Variants in SH3RF2 observed in about 807,000 individuals in gnomAD.
SH3RF2 encodes the protein SH3 domain containing ring finger 2.
Under a neutral mutation model 59.0 loss-of-function variants are expected in SH3RF2, and 43 were observed. That is an observed-to-expected ratio of 0.73 (90% CI 0.57 to 0.94). The LOEUF is 0.94. SH3RF2 is among the 40% of genes least tolerant of loss of function. The probability of loss-of-function intolerance (pLI) is 0.00; values close to 1 mark genes in which losing one functional copy is unlikely to be tolerated. For synonymous variants in SH3RF2, 391 were observed against 391.5 expected (o/e 1.00, Z 0.01); for missense variants, 930 against 940.1 (o/e 0.99, Z 0.14).
intron 9 of SH3RF2, among the ~76,000 whole-genome samples, chr5:146,073,381 T>A (rs1763275349): frequency 6.6e-6 from 1 of 152,228 alleles, no homozygotes; most frequent in Non-Finnish European, 1.5e-5. Flanking sequence ...TGACACAGTT[T>A]ATGAAATGTC....
intron 4 of SH3RF2, among the ~76,000 whole-genome samples, chr5:146,006,553 T>G: frequency 1.3e-5 from 2 of 151,188 alleles, no homozygotes; most frequent in African/African-American, 2.4e-5. Context: ...ATAATGGAGG[T>G]AGAATGTGCA....
intron 5 of SH3RF2, among the ~76,000 whole-genome samples, chr5:146,047,012 TTCC>T (rs1246519705): frequency 2.0e-5 from 3 of 152,190 alleles, no homozygotes; most frequent in African/African-American, 7.2e-5. Flanking sequence ...CCAGCTCAGC[TTCC>T]CAAAGTGCTA....
At chr5:146,051,874 A>C (rs1393930259) in intron 7 of SH3RF2, among the ~76,000 whole-genome samples, 1 of 152,220 alleles carries the variant, frequency 6.6e-6, no homozygotes, top group Non-Finnish European at 1.5e-5. Flanking sequence ...AACGAGCCAG[A>C]AGCTGAAATC....
At chr5:146,055,078 T>G (rs1762622122) in intron 7 of SH3RF2, among the ~76,000 whole-genome samples, 1 of 152,266 alleles carries the variant, frequency 6.6e-6, no homozygotes, top group Non-Finnish European at 1.5e-5. Flanking sequence ...CATAAAACTT[T>G]AATGAAATTC....
intron 2 of SH3RF2, among the ~76,000 whole-genome samples, chr5:145,954,275 C>G (rs983808795): frequency 6.6e-6 from 1 of 152,144 alleles, no homozygotes; most frequent in African/African-American, 2.4e-5. Flanking sequence ...TGGTATCTCA[C>G]TGTGGTTTTG....
intron 8 of SH3RF2, 125 bp from the exon 9 acceptor site, chr5:146,059,741 G>C: frequency 1.6e-6 from 1 of 624,098 alleles, no homozygotes; most frequent in Non-Finnish European, 2.6e-6. Flanking sequence ...GAGAGAATGT[G>C]AGTGCAGTCA....
At chr5:146,008,013 T>C (rs1276653342) in intron 4 of SH3RF2, among the ~76,000 whole-genome samples, 3 of 152,214 alleles carry the variant, frequency 2.0e-5, no homozygotes, top group African/African-American at 7.2e-5. Context: ...TGTGTGTATG[T>C]GTGCATGTTT....
At chr5:146,038,713 C>T (rs566924450) in intron 5 of SH3RF2, among the ~76,000 whole-genome samples, 179 of 152,274 alleles carry the variant, frequency 1.2e-3, no homozygotes, top group African/African-American at 4.2e-3. Flanking sequence ...GATGGGACAA[C>T]TTAATATTTA....
At chr5:146,068,835 CT>C (rs1484402331) in intron 9 of SH3RF2, among the ~76,000 whole-genome samples, 1 of 152,140 alleles carries the variant, frequency 6.6e-6, no homozygotes, top group African/African-American at 2.4e-5. Flanking sequence ...TTATTAAATG[CT>C]TCACACATAT....
intron 5 of SH3RF2, among the ~76,000 whole-genome samples, chr5:146,024,057 C>G (rs1761435654): frequency 6.6e-6 from 1 of 152,152 alleles, no homozygotes; most frequent in Non-Finnish European, 1.5e-5. Flanking sequence ...TTGAATAATG[C>G]TGCTATGGAA....
chr5:146,011,056 A>G (rs546640251), intron 4 of SH3RF2, among the ~76,000 whole-genome samples: 3 of 152,258 alleles, frequency 2.0e-5, no homozygotes, highest in Non-Finnish European at 1.5e-5. Context: ...TGATTTTTGT[A>G]TAAGGTGTAA....
intron 6 of SH3RF2, among the ~76,000 whole-genome samples, chr5:146,048,138 C>A (rs1430294895): frequency 6.6e-6 from 1 of 151,894 alleles, no homozygotes; most frequent in African/African-American, 2.4e-5. Context: ...CATAGTGAGA[C>A]CTCATCTCTA....
At chr5:146,075,417 C>T (rs1213190345) in intron 9 of SH3RF2, among the ~76,000 whole-genome samples, 3 of 152,280 alleles carry the variant, frequency 2.0e-5, no homozygotes, top group Admixed American at 6.5e-5. Context: ...GATTAAAAAA[C>T]GTCCATGGGG....
downstream of SH3RF2, among the ~76,000 whole-genome samples, chr5:146,066,819 A>AATT (rs1213916871): frequency 6.6e-6 from 1 of 152,148 alleles, no homozygotes; most frequent in Non-Finnish European, 1.5e-5. Context: ...TGAAGGTGAA[A>AATT]ATTCCATCCT....
intron 4 of SH3RF2, among the ~76,000 whole-genome samples, chr5:146,006,326 C>G (rs927823008): frequency 6.6e-6 from 1 of 151,972 alleles, no homozygotes; most frequent in Non-Finnish European, 1.5e-5. Flanking sequence ...GAGGCTGAGG[C>G]AGGAGAATGA....
At chr5:145,984,143 T>G (rs919601479) in intron 2 of SH3RF2, among the ~76,000 whole-genome samples, 4 of 152,150 alleles carry the variant, frequency 2.6e-5, no homozygotes, top group African/African-American at 7.2e-5. Context: ...AAGGCAGGTA[T>G]TGTGTATGTC....
chr5:146,070,217 C>A (rs1763203699), intron 9 of SH3RF2, among the ~76,000 whole-genome samples: 1 of 152,158 alleles, frequency 6.6e-6, no homozygotes, highest in Non-Finnish European at 1.5e-5. Flanking sequence ...TAAGCCAAAA[C>A]CTTAATCCCT....
chr5:145,941,627 G>T (rs895141500), intron 2 of SH3RF2, among the ~76,000 whole-genome samples: 1 of 152,182 alleles, frequency 6.6e-6, no homozygotes, highest in Non-Finnish European at 1.5e-5. Context: ...TAATATTTCT[G>T]ATTTAGGATA....
At chr5:146,060,352 T>C in intron 9 of SH3RF2, 128 bp downstream of exon 9, 2 of 813,496 alleles carry the variant, frequency 2.5e-6, no homozygotes, top group Non-Finnish European at 1.9e-6. Context: ...TCCTCACACA[T>C]AACACTCCTC....
Sources: gnomAD v4.1 joint callset for allele counts (sites outside exome capture counted in the v4.1 genomes callset) on GRCh38, gnomAD v4.1.1 for gene constraint, MANE v1.5 for transcripts, NCBI Gene and HGNC (gene_info 2026-07-23, HGNC 2026-07-21) for gene names.